RMDN2: variants seen among roughly 807,000 people sequenced by gnomAD.
The protein encoded by RMDN2 is regulator of microtubule dynamics 2, also known as regulator of microtubule dynamics protein 2.
RMDN2 carries 61 observed loss-of-function variants against 52.8 expected under a neutral mutation model. The observed-to-expected ratio is 1.16, with a 90% confidence interval of 0.94 to 1.43. The LOEUF (loss-of-function observed/expected upper bound fraction) is 1.43. Ranked by LOEUF, RMDN2 falls within the 40% of genes most tolerant of loss-of-function variation. The pLI is 0.00. For missense variants in RMDN2, 592 were observed against 475.3 expected, an observed-to-expected ratio of 1.25 and a Z score of -2.28; for synonymous variants, 180 against 153.1, an observed-to-expected ratio of 1.18 and a Z score of -1.30.
chr2:38,017,757 C>T (rs758400724), downstream of RMDN2: 15 of 319,836 alleles, frequency 4.7e-5, no homozygotes, highest in East Asian at 1.1e-4. Flanking sequence ...AGCTTTCACT[C>T]GTGTCCATGT....
At chr2:37,933,293 C>T (rs1025364197) in intron 2 of RMDN2, among the ~76,000 whole-genome samples, 4 of 151,642 alleles carry the variant, frequency 2.6e-5, no homozygotes, top group Non-Finnish European at 5.9e-5. Flanking sequence ...CCAGACTGGG[C>T]AGCCAGGCAG....
chr2:37,926,366 C>A (rs552559411), intron 1 of RMDN2, among the ~76,000 whole-genome samples: 2 of 152,234 alleles, frequency 1.3e-5, no homozygotes, highest in Admixed American at 6.5e-5. Flanking sequence ...ATTTCATATT[C>A]TATTTTCTTT....
intron 2 of RMDN2, among the ~76,000 whole-genome samples, chr2:37,939,065 A>G (rs1275235173): frequency 1.3e-5 from 2 of 152,172 alleles, no homozygotes; most frequent in Non-Finnish European, 2.9e-5. Context: ...TCACTGCTTT[A>G]GCTGTGTCCC....
chr2:38,066,831 A>G (rs561627378), intron 10 of RMDN2: 2 of 645,698 alleles, frequency 3.1e-6, no homozygotes, highest in Admixed American at 5.1e-5. Flanking sequence ...CATTTCCAAG[A>G]TCCTACTGTC....
chr2:37,990,322 C>A (rs1674607936), intron 6 of RMDN2, among the ~76,000 whole-genome samples: 1 of 150,714 alleles, frequency 6.6e-6, no homozygotes, highest in Admixed American at 6.6e-5. Flanking sequence ...AGTTCGAGAC[C>A]AGCCTGGCCA....
intron 10 of RMDN2, among the ~76,000 whole-genome samples, chr2:38,063,606 T>C (rs1227683819): frequency 1.3e-5 from 2 of 151,768 alleles, no homozygotes; most frequent in Non-Finnish European, 2.9e-5. Context: ...ACCATCAGAG[T>C]GAACAGGCAA....
intron 2 of RMDN2, among the ~76,000 whole-genome samples, 165 bp downstream of exon 2, chr2:37,929,894 A>G (rs1666581069): frequency 1.3e-5 from 2 of 152,266 alleles, no homozygotes; most frequent in Non-Finnish European, 2.9e-5. Flanking sequence ...TTCAGTAGTC[A>G]GTATTTAAGC....
intron 10 of RMDN2, chr2:38,030,945 G>C (rs1027350033): frequency 1.3e-5 from 2 of 151,728 alleles, no homozygotes; most frequent in Non-Finnish European, 2.9e-5. Flanking sequence ...TTTCTAAAAA[G>C]TGCTTAAGGC....
intron 5 of RMDN2, among the ~76,000 whole-genome samples, chr2:37,981,835 AAAT>A (rs1375664202): frequency 1.3e-5 from 2 of 152,110 alleles, no homozygotes; most frequent in African/African-American, 4.8e-5. Flanking sequence ...AGCAAAAAAA[AAAT>A]CATTCTTAAT....
chr2:37,960,981 T>G (rs1240375722), intron 2 of RMDN2, among the ~76,000 whole-genome samples: 2 of 152,210 alleles, frequency 1.3e-5, no homozygotes, highest in African/African-American at 4.8e-5. Context: ...AATTCAGGGT[T>G]GAAAATTCTT....
At chr2:38,021,445 A>T (rs1679371154), downstream of RMDN2, among the ~76,000 whole-genome samples, 1 of 151,950 alleles carries the variant, frequency 6.6e-6, no homozygotes, top group South Asian at 2.1e-4. Flanking sequence ...GCTGCTGCTC[A>T]CTCGGTCCAC....
At chr2:38,003,551 G>GATAGATAA (rs1323515482) in intron 8 of RMDN2, among the ~76,000 whole-genome samples, 1 of 110,454 alleles carries the variant, frequency 9.1e-6, no homozygotes, top group African/African-American at 4.0e-5. Flanking sequence ...AGACCTGATA[G>GATAGATAA]ATAGATAGAT....
At chr2:38,050,112 C>T (rs1301268669) in intron 10 of RMDN2, among the ~76,000 whole-genome samples, 1 of 152,114 alleles carries the variant, frequency 6.6e-6, no homozygotes, top group Non-Finnish European at 1.5e-5. Flanking sequence ...TCCCACATTT[C>T]TACAAACTGG....
chr2:38,013,338 C>T (rs1292938638), intron 10 of RMDN2, among the ~76,000 whole-genome samples: 4 of 152,134 alleles, frequency 2.6e-5, no homozygotes, highest in Non-Finnish European at 4.4e-5. Context: ...AAAGAAAAAC[C>T]CATATTTTAA....
At chr2:37,972,445 G>T (rs57064422) in intron 2 of RMDN2, among the ~76,000 whole-genome samples, 2,205 of 152,220 alleles carry the variant, frequency 0.014, 54 homozygotes, top group African/African-American at 0.049. Flanking sequence ...TAGAGTTTCT[G>T]GAATGCTGTG....
chr2:38,032,215 C>T (rs906860127), intron 10 of RMDN2, among the ~76,000 whole-genome samples: 2 of 152,096 alleles, frequency 1.3e-5, no homozygotes, highest in Admixed American at 6.6e-5. Flanking sequence ...GCATGACCAT[C>T]GCTCCAAAAA....
In RMDN2 at chr2:37,963,904, G is replaced by GCCC. The variant is rs368944368; in HGVS notation, c.453-10131_453-10129dup. ...CCAGCAGGGGCGGCGGGGCAGAGGC[G>GCCC]CCCCCCCACCTCCCGGACGGGGCGG... On this transcript the variant is annotated intron_variant, in intron 2 of 10. Coordinates refer to ENST00000354545, the MANE Select transcript of RMDN2 (RefSeq NM_001170791.3). Among the ~76,000 whole-genome samples the GCCC allele has an allele frequency of 4.9e-3, 726 of 148,786 alleles. 4 individuals carry two copies. Among genetic ancestry groups the GCCC allele is most frequent in the Non-Finnish European group, 8.4e-3 (563 of 66,642 alleles).
intron 10 of RMDN2, among the ~76,000 whole-genome samples, chr2:38,049,349 C>G (rs547496446): frequency 3.9e-5 from 6 of 152,124 alleles, no homozygotes; most frequent in Non-Finnish European, 8.8e-5. Context: ...CTGGACCATC[C>G]CAGGTCAAAT....
chr2:37,959,444 G>A (rs988157918), intron 2 of RMDN2, among the ~76,000 whole-genome samples: 3 of 150,966 alleles, frequency 2.0e-5, no homozygotes, highest in African/African-American at 7.4e-5. Context: ...TTGCATAGAG[G>A]TGTTTATAGT....
Sources: gnomAD v4.1 joint callset for allele counts (sites outside exome capture counted in the v4.1 genomes callset) on GRCh38, gnomAD v4.1.1 for gene constraint, MANE v1.5 for transcripts, NCBI Gene and HGNC (gene_info 2026-07-23, HGNC 2026-07-21) for gene names.